ZNF217: variants seen among roughly 807,000 people sequenced by gnomAD.
ZNF217 encodes zinc finger protein 217.
In ZNF217, 12 loss-of-function variants were observed where a neutral mutation model predicts 73.3. The ratio of observed to expected loss-of-function variants is 0.16; its 90% confidence interval spans 0.10 to 0.27. ZNF217 has a LOEUF of 0.27. Among genes scored for constraint, ZNF217 ranks in the 10% least tolerant of loss-of-function variants. The probability of loss-of-function intolerance (pLI) is 1.00; values close to 1 mark genes in which losing one functional copy is unlikely to be tolerated. For missense variants in ZNF217, 1,195 were observed against 1,327.8 expected, an observed-to-expected ratio of 0.90 and a Z score of 1.55; for synonymous variants, 588 against 516.4, an observed-to-expected ratio of 1.14 and a Z score of -1.88.
upstream of ZNF217, chr20:53,597,592 T>C (rs1242745910): frequency 6.8e-6 from 1 of 147,808 alleles, no homozygotes; most frequent in African/African-American, 2.5e-5. Context: ...TAAAAAAATA[T>C]ATTTATATAT....
At chr20:53,594,297 G>A (rs889009468), upstream of ZNF217, among the ~76,000 whole-genome samples, 9 of 150,918 alleles carry the variant, frequency 6.0e-5, no homozygotes, top group African/African-American at 1.5e-4. Context: ...GCCCTCCCTC[G>A]GCCCCGCCGC....
At chr20:53,589,982 T>C (rs1191213329) in intron 1 of ZNF217, among the ~76,000 whole-genome samples, 1 of 147,496 alleles carries the variant, frequency 6.8e-6, no homozygotes, top group East Asian at 2.1e-4. Flanking sequence ...TTACATGCTG[T>C]AACCAAACCC....
chr20:53,592,786 C>A (rs1757252115), intron 1 of ZNF217, among the ~76,000 whole-genome samples: 1 of 150,714 alleles, frequency 6.6e-6, no homozygotes, highest in Non-Finnish European at 1.5e-5. Flanking sequence ...AGGGCTGTGC[C>A]TGAAACTGAG....
intron 1 of ZNF217, among the ~76,000 whole-genome samples, chr20:53,590,950 A>G (rs964378252): frequency 1.3e-5 from 2 of 152,192 alleles, no homozygotes; most frequent in African/African-American, 4.8e-5. Flanking sequence ...TTTTCCTGCC[A>G]AAAATGGAGG....
In ZNF217 at chr20:53,582,092, A is replaced by C. The variant is rs1429015423; in HGVS notation, c.735T>G (p.Gly245=). 12 of 1,614,204 alleles carry C rather than the reference A, an allele frequency of 7.4e-6. No individual in the cohort carries two copies. The highest frequency in any genetic ancestry group is 1.0e-5 in the Non-Finnish European group (12 of 1,180,032). Residue 245 remains glycine (G), a synonymous_variant, in exon 2 of 6, where the codon GGT becomes GGG. Transcript: ENST00000371471. This position sits in a 1 kb window ranked among gnomAD's most constrained non-coding sequence, Gnocchi z 4.8. ...GAGAGTCTGTCTGCGCGCTGCTGGT[A>C]CCGAAAGCAGTTTTTTTGGTGTGCA... The part of the protein sequence containing the change: ...RKVHTKKTAF[G]TSSAQTDSPQ...
rs549992803 is a variant in ZNF217 at position 53,581,596 on chromosome 20, A to G, written c.1231T>C (p.Ser411Pro). The G allele has an allele frequency of 1.7e-5, 27 of 1,614,190 alleles. 1 individual carries two copies. In the South Asian group the frequency reaches 2.7e-4, roughly 16 times the overall value. ...GTCCCCGGCTGCCTCCCGTCCACAG[A>G]CATGGTGGGCGACTCCGCGCCGGCC... is the stretch of plus-strand genomic sequence containing the variant. ...RRAGAESPTMSVDGRQPGTCS... is the reference protein window; with the variant it reads ...RRAGAESPTMPVDGRQPGTCS... The change falls in exon 2 of 6, where the codon TCT becomes CCT. Residue 411 changes from serine (S) to proline (P), a missense_variant. This residue lies in a region of ZNF217 where 116 missense variants were observed against 121.9 expected (regional missense o/e 0.95). Coordinates refer to ENST00000371471, the MANE Select transcript of ZNF217 (RefSeq NM_006526.3). This position sits in a 1 kb window ranked among gnomAD's most constrained non-coding sequence, Gnocchi z 4.9.
chr20:53,577,031 T>G lies in ZNF217; in HGVS notation c.1733A>C (p.Glu578Ala). 1 of 1,614,230 alleles carries G rather than the reference T, an allele frequency of 6.2e-7. No individual in the cohort carries two copies. Among genetic ancestry groups the G allele is most frequent in the Non-Finnish European group, 8.5e-7 (1 of 1,180,048 alleles). Residue 578 changes from glutamate (E) to alanine (A), a missense_variant, in exon 4 of 6, where the codon GAG becomes GCG. By Grantham distance (107) the Glu-to-Ala change is moderately radical. This residue lies in a region of ZNF217 where 649 missense variants were observed against 642.8 expected (regional missense o/e 1.01). Coordinates refer to ENST00000371471, the MANE Select transcript of ZNF217 (RefSeq NM_006526.3). The part of the protein sequence containing the change: ...TGSPPAKQLK[E>A]MPSVFQNVLG... Reference sequence around the variant, plus strand: ...AACATTCTGAAAAACAGAAGGCATCTCCTTAAGCTGCTTTGCAGGTGGACT... The same window carrying G: ...AACATTCTGAAAAACAGAAGGCATCGCCTTAAGCTGCTTTGCAGGTGGACT...
chr20:53,588,690 G>A (rs1160228388), intron 1 of ZNF217, among the ~76,000 whole-genome samples: 1 of 151,628 alleles, frequency 6.6e-6, no homozygotes, highest in Admixed American at 6.6e-5. Context: ...TCCAATGAGC[G>A]CTCTCAATTA....
rs1987843517 is a variant in ZNF217 at position 53,568,547 on chromosome 20, G to A, written c.*741C>T. ...ACGCCCTCAGTCAAGGATCCTGGAG[G>A]TTCCAGGACAATCTGGAGAGGCGAG... On this transcript the variant is annotated 3_prime_UTR_variant, in exon 6 of 6. Transcript: ENST00000371471. The A allele has an allele frequency of 6.6e-6, 1 of 152,130 alleles. No homozygotes were observed. Among genetic ancestry groups the A allele is most frequent in the East Asian group, 1.9e-4 (1 of 5,190 alleles). The allele number at this position is 152,130 out of a possible 1,614,324, so 9.4% of individuals were successfully genotyped here. A position where few individuals can be genotyped will look rare whatever the true frequency, so the allele number is the denominator to read the frequency against.
chr20:53,573,426 C>T (rs1988105529), intron 4 of ZNF217, among the ~76,000 whole-genome samples: 1 of 151,992 alleles, frequency 6.6e-6, no homozygotes, highest in South Asian at 2.1e-4. Flanking sequence ...GTAACCTATT[C>T]ACATCCTCCC....
intron 1 of ZNF217, among the ~76,000 whole-genome samples, chr20:53,587,052 G>A (rs1988721457): frequency 6.6e-6 from 1 of 152,158 alleles, no homozygotes; most frequent in Non-Finnish European, 1.5e-5. Flanking sequence ...TCTTTACTCA[G>A]GTAAACGACA....
At chr20:53,573,543 G>A (rs1179541729) in intron 4 of ZNF217, among the ~76,000 whole-genome samples, 1 of 152,134 alleles carries the variant, frequency 6.6e-6, no homozygotes, top group African/African-American at 2.4e-5. Flanking sequence ...ACTGCAATCT[G>A]CGCATCCCCG....
intron 5 of ZNF217, among the ~76,000 whole-genome samples, chr20:53,570,663 G>A (rs989266355): frequency 2.0e-5 from 3 of 152,096 alleles, no homozygotes; most frequent in African/African-American, 4.8e-5. Context: ...ACGGGACGGC[G>A]GTGCACTACA....
At chr20:53,589,931 C>T (rs1275495014) in intron 1 of ZNF217, among the ~76,000 whole-genome samples, 1 of 131,646 alleles carries the variant, frequency 7.6e-6, no homozygotes, top group African/African-American at 2.8e-5. Context: ...AAGAGGTGTG[C>T]GGATCAAGAC....
intron 4 of ZNF217, chr20:53,574,865 T>C (rs1457833713): frequency 6.7e-6 from 1 of 150,148 alleles, no homozygotes; most frequent in African/African-American, 2.4e-5. Flanking sequence ...CACTGACTAC[T>C]GAGCACACCA....
intron 4 of ZNF217, 181 bp downstream of exon 4, chr20:53,575,542 TTAAG>T: frequency 3.5e-6 from 2 of 564,444 alleles, no homozygotes; most frequent in South Asian, 2.5e-5. Flanking sequence ...ACCCACAGAG[TTAAG>T]TAAGCCTTGG....
At chr20:53,597,191 A>G (rs1989057419), upstream of ZNF217, among the ~76,000 whole-genome samples, 1 of 152,176 alleles carries the variant, frequency 6.6e-6, no homozygotes, top group Non-Finnish European at 1.5e-5. Flanking sequence ...AGAATGAGGT[A>G]GGATCTTCTT....
chr20:53,574,048 C>A (rs1424757979), intron 4 of ZNF217, among the ~76,000 whole-genome samples: 4 of 148,714 alleles, frequency 2.7e-5, no homozygotes, highest in African/African-American at 7.5e-5. Context: ...CCAGCCTGGG[C>A]AACAGAGCAA....
chr20:53,592,597 T>C (rs1479358566), intron 1 of ZNF217, among the ~76,000 whole-genome samples: 1 of 125,638 alleles, frequency 8.0e-6, no homozygotes. Flanking sequence ...ACCCGGGCCC[T>C]GAACATCTTC....
Sources: gnomAD v4.1 joint callset for allele counts (sites outside exome capture counted in the v4.1 genomes callset) on GRCh38, gnomAD v4.1.1 for gene constraint, gnomAD v4.1.1 regional missense constraint, Gnocchi (gnomAD v3.1) non-coding constraint, MANE v1.5 for transcripts, NCBI Gene and HGNC (gene_info 2026-07-23, HGNC 2026-07-21) for gene names.